The following PABPC4L variants were observed in gnomAD, a reference collection of about 807,000 sequenced individuals.
PABPC4L encodes the protein polyadenylate-binding protein 4-like.
For synonymous variants in PABPC4L, 169 were observed against 164.1 expected (o/e 1.03, Z -0.23); for missense variants, 452 against 451.4 (o/e 1.00, Z -0.01).
Position 134,200,104 on chromosome 4 carries a change from C to T in PABPC4L, c.916G>A (p.Asp306Asn). Residue 306 changes from aspartate (D) to asparagine (N), a missense_variant, in exon 2 of 2, where the codon GAT becomes AAT. Transcript: ENST00000421491. The stretch of plus-strand genomic sequence containing the variant: ...GAAAATTCGTTTCGTAGTTTTTCAT[C>T]ATCGATGGTGTCATCAAGGTTCTTA... ...YIKNLDDTID[D>N]EKLRNEFSSF... 3 of 1,551,640 alleles carry T rather than the reference C, an allele frequency of 1.9e-6. No individual in the cohort carries two copies. Among genetic ancestry groups the T allele is most frequent in the Non-Finnish European group, 2.6e-6 (3 of 1,146,944 alleles).
At chr4:134,191,765 T>A (rs963245308), downstream of PABPC4L, among the ~76,000 whole-genome samples, 2 of 151,736 alleles carry the variant, frequency 1.3e-5, no homozygotes, top group African/African-American at 4.8e-5. Context: ...AATATTTATA[T>A]TAAAAAAGAG....
chr4:134,094,610 T>G, the PABPC4L span, among the ~76,000 whole-genome samples: 1 of 151,898 alleles, frequency 6.6e-6, no homozygotes, highest in Non-Finnish European at 1.5e-5. Flanking sequence ...TAAGTCTAAT[T>G]TATGCTTGTA....
Position 134,201,030 on chromosome 4 carries a change from T to C in PABPC4L, c.-11A>G. On this transcript the variant is annotated 5_prime_UTR_variant, in exon 2 of 2. Transcript: ENST00000421491. ...GGCTGCTACATTCATCTCCTTGTCC[T>C]TGCCACTGTGAGTTTGTCCCCTGGA... The C allele has an allele frequency of 6.4e-7, 1 of 1,551,734 alleles. No homozygotes were observed. The highest frequency in any genetic ancestry group is 8.7e-7 in the Non-Finnish European group (1 of 1,146,990).
the PABPC4L span, among the ~76,000 whole-genome samples, chr4:134,101,018 G>A: frequency 6.6e-6 from 1 of 151,240 alleles, no homozygotes. Context: ...TGTATTAGAA[G>A]AAAACATTAG....
At chr4:134,004,922 A>G in the PABPC4L span, among the ~76,000 whole-genome samples, 1 of 151,972 alleles carries the variant, frequency 6.6e-6, no homozygotes, top group East Asian at 1.9e-4. Context: ...TCATAGAACC[A>G]GAAAGTACAT....
chr4:134,102,032 G>A, the PABPC4L span, among the ~76,000 whole-genome samples: 2 of 151,340 alleles, frequency 1.3e-5, no homozygotes, highest in Non-Finnish European at 3.0e-5. Flanking sequence ...ATATGATTCA[G>A]TCCATACAAA....
At chr4:134,154,305 A>T in the PABPC4L span, among the ~76,000 whole-genome samples, 1 of 152,010 alleles carries the variant, frequency 6.6e-6, no homozygotes, top group Admixed American at 6.6e-5. Flanking sequence ...AAAATACAAA[A>T]ATTATCTAGG....
the PABPC4L span, among the ~76,000 whole-genome samples, chr4:134,134,898 G>T: frequency 6.6e-6 from 1 of 151,768 alleles, no homozygotes; most frequent in Non-Finnish European, 1.5e-5. Flanking sequence ...TAACAGAGTG[G>T]GAGTAAATTC....
At chr4:134,042,891 A>T in the PABPC4L span, among the ~76,000 whole-genome samples, 1 of 152,142 alleles carries the variant, frequency 6.6e-6, no homozygotes, top group African/African-American at 2.4e-5. Flanking sequence ...GACTCTAGAT[A>T]GGGTGGCCTA....
chr4:134,191,178 C>T, the PABPC4L span, among the ~76,000 whole-genome samples: 2 of 152,090 alleles, frequency 1.3e-5, no homozygotes, highest in African/African-American at 2.4e-5. Flanking sequence ...ATAAAACTAA[C>T]GTGTTCTGCA....
chr4:134,136,320 C>A, the PABPC4L span, among the ~76,000 whole-genome samples: 3 of 152,126 alleles, frequency 2.0e-5, no homozygotes, highest in South Asian at 6.2e-4. Context: ...TGGTTATAAA[C>A]TTTTCAAGGT....
the PABPC4L span, among the ~76,000 whole-genome samples, chr4:133,961,793 C>G: frequency 6.6e-6 from 1 of 152,180 alleles, no homozygotes; most frequent in Non-Finnish European, 1.5e-5. Flanking sequence ...GTCCGCTGCA[C>G]TTGTGATCCA....
At chr4:134,049,772 T>G in the PABPC4L span, among the ~76,000 whole-genome samples, 5 of 152,328 alleles carry the variant, frequency 3.3e-5, no homozygotes, top group East Asian at 9.7e-4. Flanking sequence ...AATATGCAAA[T>G]TGCTTAATCA....
the PABPC4L span, among the ~76,000 whole-genome samples, chr4:134,115,090 C>A: frequency 6.6e-6 from 1 of 151,800 alleles, no homozygotes; most frequent in African/African-American, 2.4e-5. Flanking sequence ...CTCCACTTTC[C>A]TTTTGTATTT....
At chr4:134,092,689 T>C in the PABPC4L span, among the ~76,000 whole-genome samples, 124,695 of 151,868 alleles carry the variant, frequency 0.82, 51,752 homozygotes, top group East Asian at 1. Context: ...ATAAATGCAT[T>C]TAAGGGCACT....
chr4:134,104,008 C>G, the PABPC4L span, among the ~76,000 whole-genome samples: 8 of 149,856 alleles, frequency 5.3e-5, no homozygotes, highest in Non-Finnish European at 1.2e-4. Context: ...GCTTTAGGTA[C>G]AACTGTTTTC....
At chr4:134,061,862 A>G in the PABPC4L span, among the ~76,000 whole-genome samples, 1 of 151,928 alleles carries the variant, frequency 6.6e-6, no homozygotes, top group African/African-American at 2.4e-5. Flanking sequence ...AGAAGGAAAG[A>G]AAGAAAGAAG....
the PABPC4L span, among the ~76,000 whole-genome samples, chr4:134,065,956 G>A: frequency 6.6e-6 from 1 of 152,056 alleles, no homozygotes; most frequent in Non-Finnish European, 1.5e-5. Flanking sequence ...TGTCTACTCT[G>A]TTCCATTGGT....
chr4:133,974,000 T>TAATCTA, the PABPC4L span, among the ~76,000 whole-genome samples: 18 of 152,222 alleles, frequency 1.2e-4, no homozygotes, highest in African/African-American at 2.6e-4. Context: ...AGGCTTGAGA[T>TAATCTA]AATCTAAATC....
Sources: gnomAD v4.1 joint callset for allele counts (sites outside exome capture counted in the v4.1 genomes callset) on GRCh38, gnomAD v4.1.1 for gene constraint, MANE v1.5 for transcripts, NCBI Gene and HGNC (gene_info 2026-07-23, HGNC 2026-07-21) for gene names.